SPAG16: variants seen among roughly 807,000 people sequenced by gnomAD.
SPAG16 encodes the protein sperm-associated antigen 16 protein.
In SPAG16, 86 loss-of-function variants were observed where a neutral mutation model predicts 80.4. That is an observed-to-expected ratio of 1.07 (90% CI 0.90 to 1.28). The LOEUF (loss-of-function observed/expected upper bound fraction) is 1.28. SPAG16 is among the 50% of genes most tolerant of loss of function. The pLI is 0.00. For missense variants in SPAG16, 870 were observed against 765.3 expected (o/e 1.14, Z -1.61); for synonymous variants, 294 against 265.9 (o/e 1.11, Z -1.03).
At chr2:214,160,280 T>C (rs941666463) in intron 15 of SPAG16, among the ~76,000 whole-genome samples, 12 of 152,018 alleles carry the variant, frequency 7.9e-5, no homozygotes, top group Admixed American at 2.0e-4. Flanking sequence ...AAGTTTTGAT[T>C]ATTACTGCTT....
chr2:214,178,030 A>G lies in SPAG16; in HGVS notation c.1720+28764A>G, dbSNP rs566305658. Among the ~76,000 whole-genome samples, 5 of 138,088 alleles carry G rather than the reference A, an allele frequency of 3.6e-5. No individual in the cohort carries two copies. The South Asian group carries it at 1.1e-3, about 32-fold the overall frequency. 90.6% of individuals were successfully genotyped at this position (138,088 alleles called of 152,430 possible). ...ATATATATTCATACTTTATTTGTAC[A>G]TATAAACTCAAGTAGATATATTTGT... On this transcript the variant is annotated intron_variant, in intron 15 of 15. Transcript: ENST00000331683.
intron 10 of SPAG16, among the ~76,000 whole-genome samples, chr2:213,655,024 A>T (rs970187052): frequency 2.0e-5 from 3 of 152,224 alleles, no homozygotes; most frequent in Non-Finnish European, 4.4e-5. Flanking sequence ...TAGTGAAACT[A>T]CTCCATATGA....
At chr2:214,270,873 C>A (rs1249971012) in intron 15 of SPAG16, among the ~76,000 whole-genome samples, 2 of 152,096 alleles carry the variant, frequency 1.3e-5, no homozygotes, top group South Asian at 2.1e-4. Flanking sequence ...CAGGATGTGT[C>A]ACAATAATGA....
chr2:213,555,865 C>A (rs186637378), intron 10 of SPAG16, among the ~76,000 whole-genome samples: 192 of 151,936 alleles, frequency 1.3e-3, no homozygotes, highest in Non-Finnish European at 2.4e-3. Flanking sequence ...GGTTGAAAGA[C>A]AAAACTATTA....
intron 15 of SPAG16, among the ~76,000 whole-genome samples, chr2:214,362,035 T>C (rs1482760888): frequency 6.6e-6 from 1 of 151,856 alleles, no homozygotes; most frequent in Non-Finnish European, 1.5e-5. Context: ...TTGTTTACTG[T>C]GGTAACAAAC....
At chr2:214,322,966 C>T (rs1696207133) in intron 15 of SPAG16, among the ~76,000 whole-genome samples, 1 of 152,160 alleles carries the variant, frequency 6.6e-6, no homozygotes, top group Non-Finnish European at 1.5e-5. Context: ...TGTGAGAATT[C>T]ATTTTTTCAA....
rs553520381 is a variant in SPAG16 at position 214,262,006 on chromosome 2, A to T, written c.1720+112740A>T. On this transcript the variant is annotated intron_variant, in intron 15 of 15. Transcript: ENST00000331683. ...TAAAGGGGAATTCTCATACAGTTTT[A>T]TTTTACTGTCCTTTAGACCTTACAG... Among the ~76,000 whole-genome samples the T allele has an allele frequency of 1.1e-4, 16 of 152,222 alleles. No individual in the cohort carries two copies. In the East Asian group the frequency reaches 3.1e-3, roughly 29 times the overall value.
chr2:213,346,242 A>G (rs2064979751), intron 6 of SPAG16, among the ~76,000 whole-genome samples: 1 of 152,140 alleles, frequency 6.6e-6, no homozygotes, highest in Non-Finnish European at 1.5e-5. Flanking sequence ...GTATCCTGAG[A>G]CCTTGCTGAA....
intron 3 of SPAG16, among the ~76,000 whole-genome samples, chr2:213,307,311 C>G (rs1460468450): frequency 1.4e-5 from 2 of 147,432 alleles, no homozygotes; most frequent in Non-Finnish European, 1.5e-5. Context: ...CCCACTAACT[C>G]GTCATCTAGC....
At chr2:213,476,912 A>C (rs2073433430) in intron 9 of SPAG16, among the ~76,000 whole-genome samples, 1 of 152,190 alleles carries the variant, frequency 6.6e-6, no homozygotes, top group Admixed American at 6.5e-5. Context: ...GTATGTGGAC[A>C]CTGGAGAGTG....
At chr2:214,292,610 C>G (rs1006637162) in intron 15 of SPAG16, among the ~76,000 whole-genome samples, 1 of 152,008 alleles carries the variant, frequency 6.6e-6, no homozygotes, top group Non-Finnish European at 1.5e-5. Context: ...TTCTGAGCTT[C>G]TTTAAACTCA....
intron 10 of SPAG16, among the ~76,000 whole-genome samples, chr2:213,832,412 T>C (rs2125720786): frequency 6.6e-6 from 1 of 152,238 alleles, no homozygotes; most frequent in Admixed American, 6.5e-5. Flanking sequence ...TTTCTGACTT[T>C]CTCCCGTCTT....
intron 10 of SPAG16, among the ~76,000 whole-genome samples, chr2:213,777,590 G>T (rs1345086234): frequency 1.3e-5 from 2 of 152,094 alleles, no homozygotes; most frequent in African/African-American, 4.8e-5. Context: ...AGTATTTTTA[G>T]TAGAGACGGG....
In SPAG16 at chr2:213,867,210, A is replaced by T. The variant is rs577405861; in HGVS notation, c.1214+4582A>T. ...ATTAAGGTCATATATTGGTAAGATA[A>T]AGCACTCTTTGCATTTACTTGGTAG... On this transcript the variant is annotated intron_variant, in intron 11 of 15. Coordinates refer to ENST00000331683, the MANE Select transcript of SPAG16 (RefSeq NM_024532.5). 1.2e-4 allele frequency among the ~76,000 whole-genome samples: 18 copies of T among 152,352 alleles called. No homozygotes were observed. In the South Asian group the frequency reaches 3.7e-3, roughly 32 times the overall value.
At chr2:213,990,249 T>C (rs1425713413) in intron 12 of SPAG16, among the ~76,000 whole-genome samples, 1 of 152,144 alleles carries the variant, frequency 6.6e-6, no homozygotes, top group African/African-American at 2.4e-5. Context: ...TAAATATGGG[T>C]GCTAAACTTC....
intron 13 of SPAG16, among the ~76,000 whole-genome samples, chr2:214,042,883 G>A (rs577672297): frequency 1.3e-5 from 2 of 152,184 alleles, no homozygotes; most frequent in South Asian, 2.1e-4. Context: ...TACTTTGTTA[G>A]TATAGTGGGT....
intron 9 of SPAG16, among the ~76,000 whole-genome samples, chr2:213,444,011 A>G (rs2125542103): frequency 6.6e-6 from 1 of 152,304 alleles, no homozygotes; most frequent in East Asian, 1.9e-4. Context: ...TGGACACTTC[A>G]GCCTATTCTC....
At chr2:213,392,404 A>G (rs756030318) in intron 9 of SPAG16, among the ~76,000 whole-genome samples, 8 of 152,230 alleles carry the variant, frequency 5.3e-5, no homozygotes, top group Admixed American at 1.3e-4. Flanking sequence ...ATTTGTAAAT[A>G]TTACACCAAA....
intron 15 of SPAG16, among the ~76,000 whole-genome samples, chr2:214,355,779 T>C (rs1029761642): frequency 3.9e-4 from 59 of 151,882 alleles, no homozygotes; most frequent in African/African-American, 1.4e-3. Context: ...AACCCAAATG[T>C]CCAACAACAA....
Sources: gnomAD v4.1 joint callset for allele counts (sites outside exome capture counted in the v4.1 genomes callset) on GRCh38, gnomAD v4.1.1 for gene constraint, MANE v1.5 for transcripts, NCBI Gene and HGNC (gene_info 2026-07-23, HGNC 2026-07-21) for gene names.